The following KCNIP3 variants were observed in gnomAD, a reference collection of about 807,000 sequenced individuals.
KCNIP3 encodes calsenilin.
KCNIP3 carries 28 observed loss-of-function variants against 35.0 expected under a neutral mutation model. The ratio of observed to expected loss-of-function variants is 0.80; its 90% CI spans 0.59 to 1.10. The LOEUF is 1.10. KCNIP3 is among the 50% of genes least tolerant of loss of function. KCNIP3 has a pLI of 0.00. For missense variants in KCNIP3, 295 were observed against 338.4 expected (o/e 0.87, Z 1.01); for synonymous variants, 134 against 133.8 (o/e 1.00, Z -0.01).
chr2:95,376,457 G>C lies in KCNIP3; in HGVS notation c.447+1249G>C, dbSNP rs1416114277. ...CTGTGGCCATCACCCTCGCTGTCCT[G>C]AGGGACAGCCTTGTGGCCCTTTAAG... is the stretch of plus-strand genomic sequence containing the variant. On this transcript the variant is annotated intron_variant, in intron 5 of 8. Coordinates refer to ENST00000295225, the MANE Select transcript of KCNIP3 (RefSeq NM_013434.5). This position sits in a 1 kb window ranked among gnomAD's most constrained non-coding sequence, Gnocchi z 4.2. 1.3e-5 allele frequency among the ~76,000 whole-genome samples: 2 copies of C among 152,198 alleles called. No homozygotes were observed. Among genetic ancestry groups the C allele is most frequent in the African/African-American group, 2.4e-5 (1 of 41,458 alleles).
At chr2:95,327,233 C>T (rs1421587948) in intron 2 of KCNIP3, among the ~76,000 whole-genome samples, 1 of 152,224 alleles carries the variant, frequency 6.6e-6, no homozygotes, top group Non-Finnish European at 1.5e-5. Flanking sequence ...CCATGCCCAC[C>T]TTGTCTGTAG....
intron 1 of KCNIP3, among the ~76,000 whole-genome samples, chr2:95,302,758 A>G (rs1025371692): frequency 4.0e-5 from 6 of 151,452 alleles, no homozygotes; most frequent in African/African-American, 1.5e-4. Flanking sequence ...TTGGCCACAG[A>G]CCCCTCCCAC....
At chr2:95,346,611 G>GCCGCGCCC (rs1369556037) in intron 2 of KCNIP3, 4 of 145,082 alleles carry the variant, frequency 2.8e-5, no homozygotes, top group Non-Finnish European at 4.6e-5. Context: ...CGCCGCCGCC[G>GCCGCGCCC]CCGCGCCCCC....
chr2:95,326,267 CAT>C (rs974088019), intron 2 of KCNIP3, among the ~76,000 whole-genome samples: 6 of 151,160 alleles, frequency 4.0e-5, no homozygotes, highest in African/African-American at 9.8e-5. Flanking sequence ...TACACTCACA[CAT>C]ACACTCACTA....
chr2:95,324,103 T>C lies in KCNIP3; in HGVS notation c.181+13583T>C, dbSNP rs1352967288. Among the ~76,000 whole-genome samples the C allele has an allele frequency of 1.8e-4, 27 of 152,230 alleles. 1 individual carries two copies. The highest frequency in any genetic ancestry group is 1.8e-3 in the Admixed American group (27 of 15,292). On this transcript the variant is annotated intron_variant, in intron 2 of 8. Transcript: ENST00000295225. ...CCCCTCCGTGGGCTGGCGGGGCCTC[T>C]GTGGGGAATGAGGAGAGATGGGCGC...
Position 95,335,630 on chromosome 2 carries a change from T to C in KCNIP3, c.181+25110T>C, listed in dbSNP as rs543636042. ...TTGTATTTATCCTGCCTGGGGTTCATTGAGCTTATTAAACCCATGATATGA... is the reference window on the plus strand; with the variant it reads ...TTGTATTTATCCTGCCTGGGGTTCACTGAGCTTATTAAACCCATGATATGA... On this transcript the variant is annotated intron_variant, in intron 2 of 8. Coordinates refer to ENST00000295225, the MANE Select transcript of KCNIP3 (RefSeq NM_013434.5). Among the ~76,000 whole-genome samples, 21 of 152,374 alleles carry C rather than the reference T, an allele frequency of 1.4e-4. No homozygotes were observed. In the South Asian group the frequency reaches 4.1e-3, roughly 30 times the overall value.
At chr2:95,364,761 G>A (rs1302348188) in intron 2 of KCNIP3, among the ~76,000 whole-genome samples, 4 of 152,088 alleles carry the variant, frequency 2.6e-5, no homozygotes, top group Non-Finnish European at 4.4e-5. Context: ...GCTTCCTGAG[G>A]CCCTCACCAG....
chr2:95,382,509 A>C lies in KCNIP3; in HGVS notation c.660+28A>C, dbSNP rs778125944. 3.7e-5 allele frequency: 57 copies of C among 1,534,078 alleles called. No homozygotes were observed. The highest frequency in any genetic ancestry group is 5.7e-5 in the Admixed American group (3 of 52,738). ...GAGCGAGCGCCAGCCCTGCCTAGGG[A>C]GGGGAGCCTGGCAGAGGAAGGGGCT... On this transcript the variant is annotated intron_variant, in intron 7 of 8. Coordinates refer to ENST00000295225, the MANE Select transcript of KCNIP3 (RefSeq NM_013434.5). The surrounding 1 kb of genome is among the most constrained non-coding windows in gnomAD (Gnocchi z 4.5).
intron 5 of KCNIP3, among the ~76,000 whole-genome samples, chr2:95,380,786 A>G (rs1244757440): frequency 6.6e-6 from 1 of 152,160 alleles, no homozygotes; most frequent in Non-Finnish European, 1.5e-5. Context: ...AGCCCAAGGT[A>G]GGAGGATTAC....
chr2:95,365,182 G>A (rs1467197250), intron 2 of KCNIP3, among the ~76,000 whole-genome samples: 1 of 123,224 alleles, frequency 8.1e-6, no homozygotes, highest in African/African-American at 3.1e-5. Flanking sequence ...TTTTTTTTGA[G>A]ACAGAGTCTC....
At position 95,353,373 on chromosome 2, in the gene KCNIP3, G is replaced by T. The variant is rs975795309; in HGVS notation, c.182-20923G>T. On this transcript the variant is annotated intron_variant, in intron 2 of 8. Transcript: ENST00000295225. ...CAGCTCCCCCATGAAGGGCCTTCTG[G>T]GATCAGATCGGATTCAGAGGCCAGA... Among the ~76,000 whole-genome samples the T allele has an allele frequency of 3.9e-5, 6 of 152,292 alleles. No individual in the cohort carries two copies. In the East Asian group the frequency reaches 1.2e-3, roughly 30 times the overall value.
At chr2:95,368,599 G>A (rs1413719883) in intron 2 of KCNIP3, 2 of 375,936 alleles carry the variant, frequency 5.3e-6, no homozygotes, top group Admixed American at 3.1e-5. Context: ...TTGTGTCTTT[G>A]CCATCCCGTT....
intron 2 of KCNIP3, among the ~76,000 whole-genome samples, chr2:95,353,760 C>T (rs769566519): frequency 2.0e-5 from 3 of 152,226 alleles, no homozygotes; most frequent in Non-Finnish European, 2.9e-5. Flanking sequence ...GTGACCACAT[C>T]TGTGGCATGA....
At chr2:95,343,111 G>A (rs1242069721) in intron 2 of KCNIP3, among the ~76,000 whole-genome samples, 7 of 152,126 alleles carry the variant, frequency 4.6e-5, no homozygotes, top group Non-Finnish European at 1.0e-4. Context: ...TGCTGTGGCT[G>A]GGCTGGTGGC....
chr2:95,326,182 GTCATACACACATACACGCAC>G (rs2104237375), intron 2 of KCNIP3, among the ~76,000 whole-genome samples: 1 of 145,384 alleles, frequency 6.9e-6, no homozygotes, highest in South Asian at 2.3e-4. Context: ...CATATACACA[GTCATACACACATACACGCAC>G]TCATATACAC....
intron 2 of KCNIP3, among the ~76,000 whole-genome samples, chr2:95,373,752 TC>T (rs1299737547): frequency 6.6e-6 from 1 of 152,176 alleles, no homozygotes; most frequent in Non-Finnish European, 1.5e-5. Context: ...ACAGGTCTGA[TC>T]CCTGCCCCCA....
At chr2:95,324,653 CT>C (rs1422353405) in intron 2 of KCNIP3, among the ~76,000 whole-genome samples, 2 of 152,022 alleles carry the variant, frequency 1.3e-5, no homozygotes, top group South Asian at 2.1e-4. Flanking sequence ...TGGCTCACGC[CT>C]GTAATCCCAG....
rs570790615 is a variant in KCNIP3 at position 95,377,248 on chromosome 2, T to C, written c.447+2040T>C. 2.0e-5 allele frequency among the ~76,000 whole-genome samples: 3 copies of C among 152,244 alleles called. No homozygotes were observed. Among genetic ancestry groups the C allele is most frequent in the Non-Finnish European group, 4.4e-5 (3 of 68,038 alleles). On this transcript the variant is annotated intron_variant, in intron 5 of 8. Transcript: ENST00000295225. The surrounding 1 kb of genome is among the most constrained non-coding windows in gnomAD (Gnocchi z 4.7). Reference sequence around the variant, plus strand: ...AACGATTCCGTAGACTGTTGGGGCCTCTTCAGTGCCCAGGATCAAGTCAGG... The same window carrying C: ...AACGATTCCGTAGACTGTTGGGGCCCCTTCAGTGCCCAGGATCAAGTCAGG...
At chr2:95,322,609 T>G (rs1011346497) in intron 2 of KCNIP3, among the ~76,000 whole-genome samples, 3 of 152,116 alleles carry the variant, frequency 2.0e-5, no homozygotes, top group Non-Finnish European at 4.4e-5. Context: ...GCAGGGCTGG[T>G]GATAGTTGGA....
Sources: allele counts gnomAD v4.1 joint callset (sites outside exome capture counted in the v4.1 genomes callset), GRCh38; gene constraint gnomAD v4.1.1; non-coding constraint Gnocchi (gnomAD v3.1); transcripts MANE v1.5; gene names NCBI Gene and HGNC (gene_info 2026-07-23, HGNC 2026-07-21).